The following KIF6 variants were observed in gnomAD, a reference collection of about 807,000 sequenced individuals.
KIF6 encodes the protein kinesin-like protein KIF6.
KIF6 carries 106 observed loss-of-function variants against 112.7 expected under a neutral mutation model. The observed-to-expected ratio is 0.94, with a 90% CI of 0.80 to 1.11. KIF6 has a LOEUF of 1.11. Ranked by LOEUF, KIF6 falls within the 50% of genes least tolerant of loss-of-function variation. KIF6 has a pLI of 0.00. For missense variants in KIF6, 929 were observed against 964.0 expected (o/e 0.96, Z 0.48); for synonymous variants, 339 against 339.9 (o/e 1.00, Z 0.03).
intron 19 of KIF6, among the ~76,000 whole-genome samples, chr6:39,347,835 G>A (rs1303416107): frequency 6.6e-6 from 1 of 152,226 alleles, no homozygotes. Context: ...TGCTTCCATA[G>A]GTCACGACTG....
At chr6:39,660,130 G>T (rs1233335730) in intron 3 of KIF6, among the ~76,000 whole-genome samples, 1 of 152,168 alleles carries the variant, frequency 6.6e-6, no homozygotes, top group Non-Finnish European at 1.5e-5. Context: ...GGGCAACAGA[G>T]TGAGACCCTG....
intron 15 of KIF6, among the ~76,000 whole-genome samples, chr6:39,415,969 A>G (rs1239789156): frequency 6.6e-6 from 1 of 152,086 alleles, no homozygotes; most frequent in Non-Finnish European, 1.5e-5. Context: ...CTTCTATTAC[A>G]TTCCCCGTGA....
At chr6:39,665,552 A>T (rs1301872051) in intron 3 of KIF6, among the ~76,000 whole-genome samples, 2 of 152,220 alleles carry the variant, frequency 1.3e-5, no homozygotes, top group Admixed American at 6.5e-5. Flanking sequence ...AGTTAAAAAA[A>T]CTATAAAAAG....
intron 13 of KIF6, among the ~76,000 whole-genome samples, chr6:39,536,856 G>A (rs1778460990): frequency 6.6e-6 from 1 of 152,158 alleles, no homozygotes; most frequent in African/African-American, 2.4e-5. Context: ...ACATCAAAAA[G>A]CTTATCCACC....
intron 13 of KIF6, among the ~76,000 whole-genome samples, chr6:39,467,592 T>C (rs1189255901): frequency 1.3e-5 from 2 of 152,042 alleles, no homozygotes; most frequent in African/African-American, 2.4e-5. Context: ...AACAAAATCA[T>C]AGGCTAACGC....
chr6:39,348,756 G>A (rs969269096), intron 19 of KIF6, among the ~76,000 whole-genome samples: 1 of 152,218 alleles, frequency 6.6e-6, no homozygotes, highest in African/African-American at 2.4e-5. Context: ...CCCTGGGGAA[G>A]TGATGAATCA....
intron 10 of KIF6, among the ~76,000 whole-genome samples, chr6:39,548,933 G>T (rs988665226): frequency 1.3e-5 from 2 of 152,172 alleles, no homozygotes; most frequent in Admixed American, 6.5e-5. Flanking sequence ...CTAGGGGAAA[G>T]AGAAAAGAAA....
At chr6:39,706,079 T>C (rs1255785509) in intron 3 of KIF6, among the ~76,000 whole-genome samples, 5 of 152,220 alleles carry the variant, frequency 3.3e-5, no homozygotes, top group African/African-American at 1.2e-4. Context: ...CTTTTTATTT[T>C]ACCGCTGACC....
chr6:39,595,922 T>C (rs1782225140), intron 7 of KIF6, 132 bp downstream of exon 7: 3 of 673,988 alleles, frequency 4.5e-6, no homozygotes, highest in Non-Finnish European at 7.4e-6. Flanking sequence ...TTAAAAATGA[T>C]TAAAATGGCA....
rs151170483 is a variant in KIF6 at position 39,512,866 on chromosome 6, T to G, written c.1645+27137A>C. On this transcript the variant is annotated intron_variant, in intron 13 of 22. Coordinates refer to ENST00000287152, the MANE Select transcript of KIF6 (RefSeq NM_145027.6). ...AATGCTCCCTTTCTGACTTTGAGTT[T>G]TGCTTGCCTTCTGGAAAGAAATCCA... 1.5e-4 allele frequency among the ~76,000 whole-genome samples: 23 copies of G among 152,302 alleles called. No homozygotes were observed. The East Asian group carries it at 3.9e-3, about 26-fold the overall frequency.
intron 13 of KIF6, among the ~76,000 whole-genome samples, chr6:39,531,766 C>T (rs1319957716): frequency 2.0e-5 from 3 of 152,132 alleles, no homozygotes; most frequent in Admixed American, 1.3e-4. Context: ...CCTGTCCACT[C>T]GACCTCATAA....
intron 13 of KIF6, among the ~76,000 whole-genome samples, chr6:39,438,156 TAG>T (rs1771672280): frequency 6.6e-6 from 1 of 152,070 alleles, no homozygotes; most frequent in Non-Finnish European, 1.5e-5. Flanking sequence ...GTATTTTTAG[TAG>T]AGATGAGATT....
intron 13 of KIF6, among the ~76,000 whole-genome samples, chr6:39,524,152 A>AG (rs1777568370): frequency 6.7e-6 from 1 of 149,440 alleles, no homozygotes; most frequent in African/African-American, 2.5e-5. Flanking sequence ...GTGTGTGTGA[A>AG]AGAGAGAGAG....
At chr6:39,699,116 TC>T (rs1229115101) in intron 3 of KIF6, among the ~76,000 whole-genome samples, 1 of 152,062 alleles carries the variant, frequency 6.6e-6, no homozygotes, top group East Asian at 1.9e-4. Flanking sequence ...AACAAAAAGA[TC>T]CCTGTACTTG....
At chr6:39,570,653 G>C (rs772185926) in intron 10 of KIF6, among the ~76,000 whole-genome samples, 5 of 151,940 alleles carry the variant, frequency 3.3e-5, no homozygotes, top group Non-Finnish European at 7.4e-5. Flanking sequence ...CTGAATCATG[G>C]GGGTGTTTAC....
intron 13 of KIF6, among the ~76,000 whole-genome samples, chr6:39,482,040 A>ACACACC (rs926486343): frequency 3.4e-5 from 5 of 147,890 alleles, no homozygotes; most frequent in African/African-American, 1.3e-4. Context: ...ACACACACAC[A>ACACACC]CCCCACTGGG....
chr6:39,487,990 C>CATCTATCT (rs1464871982), intron 13 of KIF6, among the ~76,000 whole-genome samples: 76,396 of 150,812 alleles, frequency 0.51, 20,218 homozygotes, highest in East Asian at 0.61. Flanking sequence ...CATTTATAGG[C>CATCTATCT]ATCTATCTAT....
chr6:39,542,583 A>T (rs1463027982), intron 12 of KIF6, among the ~76,000 whole-genome samples: 1 of 152,198 alleles, frequency 6.6e-6, no homozygotes, highest in African/African-American at 2.4e-5. Context: ...ATATGAAAAC[A>T]TCCTCCAACC....
At chr6:39,667,543 C>T (rs1316804334) in intron 3 of KIF6, among the ~76,000 whole-genome samples, 2 of 152,110 alleles carry the variant, frequency 1.3e-5, no homozygotes, top group African/African-American at 4.8e-5. Flanking sequence ...AATGCTTTAC[C>T]AGCTTTCTAG....
Sources: gnomAD v4.1 joint callset for allele counts (sites outside exome capture counted in the v4.1 genomes callset) on GRCh38, gnomAD v4.1.1 for gene constraint, MANE v1.5 for transcripts, NCBI Gene and HGNC (gene_info 2026-07-23, HGNC 2026-07-21) for gene names.